KIAA1217: variants seen among roughly 807,000 people sequenced by gnomAD.
KIAA1217 encodes the protein KIAA1217.
In KIAA1217, 88 loss-of-function variants were observed where a neutral mutation model predicts 163.9. That is an observed-to-expected ratio of 0.54 (90% CI 0.45 to 0.64). KIAA1217 has a LOEUF of 0.64. Among genes scored for constraint, KIAA1217 ranks in the 30% least tolerant of loss-of-function variants. The pLI is 0.00. For missense variants in KIAA1217, 2,372 were observed against 2,475.0 expected (o/e 0.96, Z 0.88); for synonymous variants, 903 against 923.1 (o/e 0.98, Z 0.39).
At chr10:23,940,909 A>C (rs1452895079) in intron 1 of KIAA1217, among the ~76,000 whole-genome samples, 1 of 152,246 alleles carries the variant, frequency 6.6e-6, no homozygotes, top group African/African-American at 2.4e-5. Context: ...TACTGTCATA[A>C]CATTTCAATT....
chr10:24,228,352 G>T (rs1458751812), intron 2 of KIAA1217, among the ~76,000 whole-genome samples: 1 of 151,984 alleles, frequency 6.6e-6, no homozygotes, highest in Admixed American at 6.6e-5. Context: ...AATCAGGATT[G>T]TCTATTAGGT....
intron 1 of KIAA1217, among the ~76,000 whole-genome samples, chr10:23,971,616 A>AT (rs1845321587): frequency 2.6e-5 from 4 of 152,194 alleles, no homozygotes; most frequent in African/African-American, 9.7e-5. Flanking sequence ...GCAATTGGAT[A>AT]CCAACATGAC....
chr10:24,051,874 T>C (rs1160403868), intron 2 of KIAA1217, among the ~76,000 whole-genome samples: 1 of 152,188 alleles, frequency 6.6e-6, no homozygotes, highest in African/African-American at 2.4e-5. Context: ...AATGCATACT[T>C]TGCAAAAATT....
intron 2 of KIAA1217, among the ~76,000 whole-genome samples, chr10:24,290,161 C>A (rs2078953106): frequency 2.0e-5 from 3 of 152,002 alleles, no homozygotes; most frequent in Admixed American, 2.0e-4. Context: ...CAAGCCTTGT[C>A]CTAAGGGCCC....
chr10:24,494,456 T>C (rs1486785725), intron 6 of KIAA1217, 44 bp from the exon 7 acceptor site: 1 of 1,534,678 alleles, frequency 6.5e-7, no homozygotes, highest in Non-Finnish European at 9.0e-7. Flanking sequence ...CAAACTGGTT[T>C]GAAAGTCCAT....
chr10:24,040,781 T>C (rs1193155101), intron 2 of KIAA1217, among the ~76,000 whole-genome samples: 1 of 152,216 alleles, frequency 6.6e-6, no homozygotes, highest in East Asian at 1.9e-4. Context: ...CATAAGGCTG[T>C]GCTAGACCTG....
Position 23,901,229 on chromosome 10 carries a change from G to C in KIAA1217, c.-320-105996G>C, listed in dbSNP as rs12250986. On this transcript the variant is annotated intron_variant, in intron 1 of 18. Transcript: ENST00000376462. ...TAGGTTAACAGAGGTTAGGTAACTT[G>C]CTCAAGATCTCCCTGTTAGTAAAGA... 8.1e-3 allele frequency among the ~76,000 whole-genome samples: 1,235 copies of C among 152,166 alleles called. 19 individuals are homozygous for C. The highest frequency in any genetic ancestry group is 0.029 in the African/African-American group (1,185 of 41,528).
chr10:23,705,647 A>G (rs1282178252), intron 1 of KIAA1217, among the ~76,000 whole-genome samples: 9 of 152,132 alleles, frequency 5.9e-5, no homozygotes, highest in Admixed American at 5.9e-4. Context: ...TGTAGCTTTG[A>G]AATAAGTTTT....
intron 1 of KIAA1217, among the ~76,000 whole-genome samples, chr10:23,872,096 C>T (rs190157336): frequency 2.6e-5 from 4 of 152,148 alleles, no homozygotes; most frequent in Non-Finnish European, 5.9e-5. Context: ...CTCCGCTCCC[C>T]ACATTTGATT....
chr10:24,536,668 A>T, intron 16 of KIAA1217, 106 bp from the exon 17 acceptor site: 5 of 1,185,722 alleles, frequency 4.2e-6, no homozygotes, highest in Non-Finnish European at 6.0e-6. Context: ...ACCTGCGTGC[A>T]GGACCCGGGT....
rs903220779 is a variant in KIAA1217 at position 23,966,126 on chromosome 10, C to T, written c.-320-41099C>T. Among the ~76,000 whole-genome samples the T allele has an allele frequency of 2.0e-5, 3 of 152,108 alleles. No homozygotes were observed. The East Asian group carries it at 5.8e-4, about 29-fold the overall frequency. On this transcript the variant is annotated intron_variant, in intron 1 of 18. Transcript: ENST00000376462. ...CACTGAGCCCTGTGCTTAGAAGGGC[C>T]CTGTGCCTGGTTTAATGATCTGTTG...
intron 2 of KIAA1217, among the ~76,000 whole-genome samples, chr10:24,038,067 G>T (rs900886282): frequency 1.3e-5 from 2 of 152,192 alleles, no homozygotes; most frequent in Admixed American, 6.5e-5. Flanking sequence ...TTTTTGTAAG[G>T]GTTTTTTGTT....
intron 3 of KIAA1217, among the ~76,000 whole-genome samples, chr10:24,405,093 G>T (rs890113738): frequency 6.6e-6 from 1 of 152,076 alleles, no homozygotes; most frequent in Non-Finnish European, 1.5e-5. Flanking sequence ...TGATAAAATC[G>T]TATAGAGCAA....
intron 1 of KIAA1217, among the ~76,000 whole-genome samples, chr10:23,766,541 T>C (rs914650569): frequency 4.6e-5 from 7 of 151,960 alleles, no homozygotes. Context: ...CAAGAACACA[T>C]CATTCTTTCT....
intron 1 of KIAA1217, among the ~76,000 whole-genome samples, chr10:23,752,367 C>T (rs944746770): frequency 3.3e-5 from 5 of 152,088 alleles, no homozygotes; most frequent in African/African-American, 1.2e-4. Context: ...CTTTTTAAGA[C>T]AGGAAGTCAT....
intron 12 of KIAA1217, 53 bp from the exon 13 acceptor site, chr10:24,524,270 C>T: frequency 6.4e-7 from 1 of 1,553,068 alleles, no homozygotes; most frequent in South Asian, 1.2e-5. Context: ...GCAAGTATAC[C>T]ACCATGAGAA....
At chr10:24,043,254 G>A (rs745519130) in intron 2 of KIAA1217, among the ~76,000 whole-genome samples, 3 of 152,100 alleles carry the variant, frequency 2.0e-5, no homozygotes, top group Non-Finnish European at 4.4e-5. Flanking sequence ...TAGAGTTTGA[G>A]TTTTCTACTA....
At chr10:24,181,019 A>G (rs1277728625) in intron 2 of KIAA1217, among the ~76,000 whole-genome samples, 1 of 152,192 alleles carries the variant, frequency 6.6e-6, no homozygotes, top group Non-Finnish European at 1.5e-5. Context: ...AATCATTGAT[A>G]TAGACAGCAC....
chr10:24,260,754 A>T (rs1477857558), intron 2 of KIAA1217, among the ~76,000 whole-genome samples: 1 of 151,896 alleles, frequency 6.6e-6, no homozygotes, highest in African/African-American at 2.4e-5. Flanking sequence ...TAAAAAAAAA[A>T]GGAGAAAGAT....
Sources: allele counts gnomAD v4.1 joint callset (sites outside exome capture counted in the v4.1 genomes callset), GRCh38; gene constraint gnomAD v4.1.1; transcripts MANE v1.5; gene names NCBI Gene and HGNC (gene_info 2026-07-23, HGNC 2026-07-21).